Variants in FXR1 observed in about 807,000 individuals in gnomAD.
FXR1 encodes the protein FMR1 autosomal homolog 1, also known as RNA-binding protein FXR1.
In FXR1, 15 loss-of-function variants were observed where a neutral mutation model predicts 84.0. That is an observed-to-expected ratio of 0.18 (90% confidence interval 0.12 to 0.27). The LOEUF is 0.27. FXR1 is among the 10% of genes least tolerant of loss of function. The probability of loss-of-function intolerance (pLI) is 1.00; values close to 1 mark genes in which losing one functional copy is unlikely to be tolerated. For missense variants in FXR1, 480 were observed against 774.4 expected, an observed-to-expected ratio of 0.62 and a Z score of 4.51; for synonymous variants, 245 against 250.7, an observed-to-expected ratio of 0.98 and a Z score of 0.21.
At chr3:180,959,144 C>T (rs973672301) in intron 10 of FXR1, among the ~76,000 whole-genome samples, 1 of 152,130 alleles carries the variant, frequency 6.6e-6, no homozygotes, top group African/African-American at 2.4e-5. Flanking sequence ...AACGCTTTTA[C>T]GTTGCTATAG....
At chr3:180,925,578 C>A (rs1333099672) in intron 1 of FXR1, among the ~76,000 whole-genome samples, 10 of 152,102 alleles carry the variant, frequency 6.6e-5, no homozygotes, top group African/African-American at 2.4e-4. Context: ...CACAGAAAAT[C>A]GCAAGCAAAC....
chr3:180,956,480 A>G (rs1053200577), intron 9 of FXR1, among the ~76,000 whole-genome samples: 2 of 152,194 alleles, frequency 1.3e-5, no homozygotes, highest in Admixed American at 6.5e-5. Context: ...CAAAACTGGT[A>G]TAGTTCACAA....
chr3:180,949,122 G>A (rs970797677), intron 6 of FXR1, 105 bp from the exon 7 acceptor site: 6 of 755,008 alleles, frequency 7.9e-6, no homozygotes, highest in African/African-American at 5.1e-5. Context: ...TGAAAGAAGT[G>A]TAGTAGATGA....
chr3:180,946,441 G>A (rs894022978), intron 3 of FXR1, among the ~76,000 whole-genome samples: 1 of 152,182 alleles, frequency 6.6e-6, no homozygotes, highest in African/African-American at 2.4e-5. Flanking sequence ...CAGAATAAGG[G>A]TGAGTTCTGT....
intron 1 of FXR1, chr3:180,915,713 A>T: frequency 1.4e-6 from 1 of 696,552 alleles, no homozygotes. Context: ...GTGAATTGCC[A>T]TTGATGAGTT....
intron 10 of FXR1, among the ~76,000 whole-genome samples, chr3:180,960,104 G>T (rs898803941): frequency 1.3e-5 from 2 of 152,094 alleles, no homozygotes; most frequent in African/African-American, 4.8e-5. Context: ...TTTCTTTAAA[G>T]AAGAAAAATT....
chr3:180,930,000 T>C (rs1238693398), intron 1 of FXR1, among the ~76,000 whole-genome samples: 1 of 152,144 alleles, frequency 6.6e-6, no homozygotes, highest in Non-Finnish European at 1.5e-5. Flanking sequence ...GCGTGGTGGC[T>C]CACGCCTGTA....
intron 3 of FXR1, among the ~76,000 whole-genome samples, chr3:180,943,657 A>C (rs1320227927): frequency 2.6e-5 from 4 of 152,198 alleles, no homozygotes; most frequent in Admixed American, 6.5e-5. Context: ...TGAAGCTTAC[A>C]GAAGTGGATA....
At chr3:180,938,484 ATTTT>A (rs1720771151) in intron 3 of FXR1, among the ~76,000 whole-genome samples, 1 of 152,044 alleles carries the variant, frequency 6.6e-6, no homozygotes, top group African/African-American at 2.4e-5. Context: ...TGAATTGTCT[ATTTT>A]TTGTTTGTGC....
chr3:180,944,607 A>G (rs1022141351), intron 3 of FXR1, among the ~76,000 whole-genome samples: 14 of 152,148 alleles, frequency 9.2e-5, no homozygotes, highest in African/African-American at 3.1e-4. Flanking sequence ...GATTACAGGC[A>G]TGAGCCACTG....
Position 180,978,556 on chromosome 3 carries a change from T to C in FXR1, c.*2264T>C, listed in dbSNP as rs1207836393. The C allele has an allele frequency of 6.6e-6, 1 of 152,074 alleles. No individual in the cohort carries two copies. The highest frequency in any genetic ancestry group is 1.5e-5 in the Non-Finnish European group (1 of 67,986). The allele number at this position is 152,074 out of a possible 1,614,324, so 9.4% of individuals were successfully genotyped here. ...GGTGAGATGTTGCTATGGGAAGAAC[T>C]TGCCACTATACACTAAACAGACACT... On this transcript the variant is annotated 3_prime_UTR_variant, in exon 17 of 17. Transcript: ENST00000357559.
At chr3:180,958,485 T>C (rs925002567) in intron 10 of FXR1, among the ~76,000 whole-genome samples, 12 of 152,184 alleles carry the variant, frequency 7.9e-5, no homozygotes, top group East Asian at 3.9e-4. Flanking sequence ...TGAGAACATA[T>C]GATATTTGGT....
intron 10 of FXR1, 117 bp from the exon 11 acceptor site, chr3:180,961,351 A>AAAAAAC: frequency 2.3e-6 from 1 of 434,944 alleles, no homozygotes; most frequent in South Asian, 3.5e-5. Flanking sequence ...AAAAAAAAAA[A>AAAAAAC]AAAAAAAAAA....
At chr3:180,915,160 A>G (rs1204524856) in intron 1 of FXR1, among the ~76,000 whole-genome samples, 1 of 152,196 alleles carries the variant, frequency 6.6e-6, no homozygotes, top group Non-Finnish European at 1.5e-5. Context: ...ATTGCTTTTT[A>G]TTCATTAGAA....
chr3:180,961,828 T>C (rs2108483435), intron 11 of FXR1, among the ~76,000 whole-genome samples: 1 of 152,356 alleles, frequency 6.6e-6, no homozygotes. Flanking sequence ...TCTTAAGAAA[T>C]GATTCCTTTG....
chr3:180,948,665 C>G, intron 5 of FXR1, 56 bp from the exon 6 acceptor site: 1 of 1,004,470 alleles, frequency 1.0e-6, no homozygotes, highest in South Asian at 1.4e-5. Context: ...TATTGTGACT[C>G]TCCTCTGACT....
intron 13 of FXR1, among the ~76,000 whole-genome samples, chr3:180,964,018 G>C (rs1712480785): frequency 6.6e-6 from 1 of 152,092 alleles, no homozygotes; most frequent in Non-Finnish European, 1.5e-5. Context: ...TTAATTGAAG[G>C]ATCATCTAAT....
intron 1 of FXR1, among the ~76,000 whole-genome samples, chr3:180,913,078 G>A (rs941705646): frequency 1.3e-5 from 2 of 152,102 alleles, no homozygotes; most frequent in East Asian, 1.9e-4. Flanking sequence ...CTGGGAGGTG[G>A]GGGAGTCGTG....
chr3:180,949,563 T>G (rs1722011946), intron 7 of FXR1, among the ~76,000 whole-genome samples: 1 of 152,154 alleles, frequency 6.6e-6, no homozygotes, highest in Non-Finnish European at 1.5e-5. Flanking sequence ...TTTTTGTATT[T>G]TAGTAGAGGT....
Sources: gnomAD v4.1 joint callset for allele counts (sites outside exome capture counted in the v4.1 genomes callset) on GRCh38, gnomAD v4.1.1 for gene constraint, MANE v1.5 for transcripts, NCBI Gene and HGNC (gene_info 2026-07-23, HGNC 2026-07-21) for gene names.